The following MLC1 variants were observed in gnomAD, a reference collection of about 807,000 sequenced individuals.
MLC1 encodes the protein membrane protein MLC1.
MLC1 carries 32 observed loss-of-function variants against 44.7 expected under a neutral mutation model. That is an observed-to-expected ratio of 0.72 (90% CI 0.54 to 0.96). MLC1 has a LOEUF of 0.96. Ranked by LOEUF, MLC1 falls within the 40% of genes least tolerant of loss-of-function variation. The pLI, the probability that MLC1 is intolerant of heterozygous loss-of-function variation, is 0.00. For missense variants in MLC1, 459 were observed against 492.2 expected, an observed-to-expected ratio of 0.93 and a Z score of 0.64; for synonymous variants, 190 against 213.0, an observed-to-expected ratio of 0.89 and a Z score of 0.94.
At chr22:50,069,573 G>A (rs1294842743) in intron 9 of MLC1, among the ~76,000 whole-genome samples, 1 of 152,032 alleles carries the variant, frequency 6.6e-6, no homozygotes, top group African/African-American at 2.4e-5. Context: ...TTGAACCCGG[G>A]AGGCAGAGGT....
intron 5 of MLC1, among the ~76,000 whole-genome samples, chr22:50,078,396 T>G (rs1254547121): frequency 6.6e-6 from 1 of 152,174 alleles, no homozygotes; most frequent in Non-Finnish European, 1.5e-5. Flanking sequence ...CAGGAAGATG[T>G]AGATATATCA....
rs926312637 is a variant in MLC1, at chr22:50,076,697, G to A, written c.597+144C>T. On this transcript the variant is annotated intron_variant, in intron 7 of 11. Transcript: ENST00000311597. ...CCAATGATACCAATAACAGACTAGA[G>A]TCTCCACAGATGAGGCGCACGCCGC... 5.0e-6 allele frequency: 4 copies of A among 797,216 alleles called. No individual in the cohort carries two copies. In the African/African-American group the frequency reaches 6.8e-5, roughly 13 times the overall value. 49.4% of individuals were successfully genotyped at this position (797,216 alleles called of 1,614,324 possible). A position where few individuals can be genotyped will look rare whatever the true frequency, so the allele number is the denominator to read the frequency against.
intron 8 of MLC1, among the ~76,000 whole-genome samples, chr22:50,071,864 G>A (rs996473332): frequency 4.6e-5 from 7 of 152,310 alleles, no homozygotes; most frequent in South Asian, 2.1e-4. Flanking sequence ...ACCCCAGCCC[G>A]GCCTGCTGGG....
intron 3 of MLC1, among the ~76,000 whole-genome samples, chr22:50,082,566 C>T (rs577303063): frequency 6.6e-6 from 1 of 152,390 alleles, no homozygotes; most frequent in Admixed American, 6.5e-5. Context: ...CCTGCACAGG[C>T]GTCTGCAGAG....
chr22:50,080,116 C>T, intron 4 of MLC1, 97 bp from the exon 5 acceptor site: 2 of 1,088,668 alleles, frequency 1.8e-6, no homozygotes, highest in Non-Finnish European at 1.4e-6. Flanking sequence ...AAAAATTATC[C>T]TGATTAGGAC....
At chr22:50,079,680 A>G (rs1333756127) in intron 5 of MLC1, among the ~76,000 whole-genome samples, 3 of 151,782 alleles carry the variant, frequency 2.0e-5, no homozygotes, top group Admixed American at 6.6e-5. Context: ...GTCACTGTTA[A>G]TTTTTAAGGA....
At chr22:50,071,067 T>C (rs553446280) in intron 8 of MLC1, among the ~76,000 whole-genome samples, 74 of 152,050 alleles carry the variant, frequency 4.9e-4, no homozygotes, top group African/African-American at 1.7e-3. Context: ...GTTGTCCTCA[T>C]CATGTTCTTT....
intron 2 of MLC1, among the ~76,000 whole-genome samples, chr22:50,084,217 G>A (rs2062223355): frequency 1.3e-5 from 2 of 152,170 alleles, no homozygotes; most frequent in South Asian, 2.1e-4. Context: ...GGAATGGCCA[G>A]GACCCCAGGG....
intron 5 of MLC1, among the ~76,000 whole-genome samples, chr22:50,078,941 C>T (rs886223107): frequency 6.6e-6 from 1 of 152,120 alleles, no homozygotes; most frequent in Non-Finnish European, 1.5e-5. Flanking sequence ...AGTTCAGATA[C>T]AAGCCACTGA....
intron 5 of MLC1, among the ~76,000 whole-genome samples, chr22:50,079,561 A>AGTG (rs965929204): frequency 8.0e-6 from 1 of 125,328 alleles, no homozygotes; most frequent in Non-Finnish European, 1.6e-5. Flanking sequence ...GCTGGAGTGC[A>AGTG]GTGGCGCCAT....
rs1394126053 is a variant in MLC1, at chr22:50,060,000, G to A, written c.*1583C>T. On this transcript the variant is annotated 3_prime_UTR_variant, in exon 12 of 12. Transcript: ENST00000311597. ...GAGGGTCCTCAAACCCCCTGGCAGG[G>A]TCTGCAGGCCGCCCCATCCAGCTGC... 6.6e-6 allele frequency: 1 copy of A among 152,482 alleles called. No individual in the cohort carries two copies. The highest frequency in any genetic ancestry group is 1.9e-4 in the East Asian group (1 of 5,228). 9.4% of individuals were successfully genotyped at this position (152,482 alleles called of 1,614,324 possible).
In MLC1 at chr22:50,077,518, CA is replaced by C; in HGVS notation, c.424-17del. 6.2e-7 allele frequency: 1 copy of C among 1,600,960 alleles called. No individual in the cohort carries two copies. The highest frequency in any genetic ancestry group is 8.6e-7 in the Non-Finnish European group (1 of 1,169,516). On this transcript the variant is annotated splice_polypyrimidine_tract_variant and intron_variant, in intron 5 of 11. Transcript: ENST00000311597. ...TGAAGTTGATCTGCCAAGGGGCACACACGCTTCAGCACCGGGCCCGCCTTTC... is the reference window on the plus strand; with the variant it reads ...TGAAGTTGATCTGCCAAGGGGCACACCGCTTCAGCACCGGGCCCGCCTTTC...
chr22:50,084,952 A>C lies in MLC1; in HGVS notation c.-50T>G. ...GCTGAATGTACAGCCACGTGTCACC[A>C]GTTCTTTATCTGGAATAAAATTATC... is the stretch of plus-strand genomic sequence containing the variant. On this transcript the variant is annotated 5_prime_UTR_variant, in exon 2 of 12. Coordinates refer to ENST00000311597, the MANE Select transcript of MLC1 (RefSeq NM_015166.4). 6.2e-7 allele frequency: 1 copy of C among 1,602,344 alleles called. No individual in the cohort carries two copies. The highest frequency in any genetic ancestry group is 8.5e-7 in the Non-Finnish European group (1 of 1,178,868).
intron 5 of MLC1, among the ~76,000 whole-genome samples, chr22:50,079,504 T>G (rs2062064708): frequency 7.8e-6 from 1 of 128,544 alleles, no homozygotes; most frequent in Non-Finnish European, 1.7e-5. Flanking sequence ...TTTTGTCTTT[T>G]TTTTTTTTTT....
intron 6 of MLC1, 71 bp from the exon 7 acceptor site, chr22:50,076,983 C>T (rs553409217): frequency 3.8e-6 from 6 of 1,561,394 alleles, no homozygotes; most frequent in East Asian, 4.5e-5. Flanking sequence ...GGCATCCGGC[C>T]GCCGTGGGCA....
chr22:50,061,762 T>A (rs1202747101), intron 11 of MLC1, 105 bp from the exon 12 acceptor site: 2 of 1,076,770 alleles, frequency 1.9e-6, no homozygotes, highest in Non-Finnish European at 2.8e-6. Flanking sequence ...CGTTCAGAAG[T>A]TTTCTTCGAA....
intron 8 of MLC1, among the ~76,000 whole-genome samples, chr22:50,071,611 G>A (rs577320844): frequency 6.1e-4 from 93 of 152,286 alleles, no homozygotes; most frequent in African/African-American, 1.9e-3. Flanking sequence ...GGGGAGCCTC[G>A]GAGGAGACTC....
chr22:50,063,811 T>A (rs370296028), intron 11 of MLC1, among the ~76,000 whole-genome samples: 1 of 57,570 alleles, frequency 1.7e-5, no homozygotes, highest in South Asian at 8.2e-4. Context: ...CCCCAGCACC[T>A]GCACCGCAGG....
At chr22:50,067,950 G>T (rs2061751123) in intron 10 of MLC1, among the ~76,000 whole-genome samples, 1 of 144,258 alleles carries the variant, frequency 6.9e-6, no homozygotes, top group African/African-American at 2.5e-5. Flanking sequence ...CACTTATACT[G>T]GAAAAAAAAA....
Sources: allele counts gnomAD v4.1 joint callset (sites outside exome capture counted in the v4.1 genomes callset), GRCh38; gene constraint gnomAD v4.1.1; transcripts MANE v1.5; gene names NCBI Gene and HGNC (gene_info 2026-07-23, HGNC 2026-07-21).